Variants in CATSPERB observed in about 807,000 individuals in gnomAD.
The protein encoded by CATSPERB is catsper channel auxiliary subunit beta.
A neutral mutation model predicts 128.3 loss-of-function variants in CATSPERB; 93 were observed. The observed-to-expected ratio is 0.72, with a 90% confidence interval of 0.61 to 0.86. The LOEUF (loss-of-function observed/expected upper bound fraction) is 0.86, where lower values mean the gene tolerates loss of function less well. CATSPERB is among the 40% of genes least tolerant of loss of function. CATSPERB has a pLI of 0.00. For missense variants in CATSPERB, 1,153 were observed against 1,329.5 expected, an observed-to-expected ratio of 0.87 and a Z score of 2.06; for synonymous variants, 381 against 448.8, an observed-to-expected ratio of 0.85 and a Z score of 1.91.
At chr14:91,612,071 T>TC (rs1258707153) in intron 20 of CATSPERB, among the ~76,000 whole-genome samples, 1 of 139,882 alleles carries the variant, frequency 7.1e-6, no homozygotes, top group African/African-American at 2.6e-5. Flanking sequence ...TTTCTTCCTT[T>TC]TTTTAAGAGA....
chr14:91,687,448 C>T (rs371573993), intron 10 of CATSPERB, among the ~76,000 whole-genome samples: 3 of 152,210 alleles, frequency 2.0e-5, no homozygotes, highest in African/African-American at 7.2e-5. Context: ...AGGGAGATCC[C>T]TTGCCCCTCT....
At chr14:91,720,120 C>G in intron 4 of CATSPERB, among the ~76,000 whole-genome samples, 1 of 151,894 alleles carries the variant, frequency 6.6e-6, no homozygotes. Flanking sequence ...ATTCAAGAAG[C>G]CCAGGGAACC....
At chr14:91,681,382 GA>G (rs1895277461) in intron 11 of CATSPERB, among the ~76,000 whole-genome samples, 1 of 152,128 alleles carries the variant, frequency 6.6e-6, no homozygotes, top group Non-Finnish European at 1.5e-5. Flanking sequence ...ACAATGACAG[GA>G]AAAACTAAAG....
intron 1 of CATSPERB, 144 bp from the exon 2 acceptor site, chr14:91,729,623 A>G: frequency 2.0e-6 from 1 of 491,694 alleles, no homozygotes; most frequent in Non-Finnish European, 3.6e-6. Flanking sequence ...AGACAACACA[A>G]CAGTTGCCTA....
chr14:91,638,111 C>A (rs1054636756), intron 16 of CATSPERB, among the ~76,000 whole-genome samples: 2 of 152,116 alleles, frequency 1.3e-5, no homozygotes, highest in Non-Finnish European at 2.9e-5. Flanking sequence ...CTTTTAAAAC[C>A]AGATTCATCT....
chr14:91,634,410 G>A (rs572063858), intron 17 of CATSPERB, among the ~76,000 whole-genome samples: 22 of 151,960 alleles, frequency 1.4e-4, no homozygotes, highest in African/African-American at 5.1e-4. Context: ...CAATTGTACT[G>A]GCAGGTAATA....
At chr14:91,662,363 A>G (rs1435690128) in intron 14 of CATSPERB, among the ~76,000 whole-genome samples, 1 of 152,222 alleles carries the variant, frequency 6.6e-6, no homozygotes, top group Non-Finnish European at 1.5e-5. Flanking sequence ...TTAAATTCAT[A>G]CATGTTGCAT....
At chr14:91,586,181 C>A (rs978820360) in intron 26 of CATSPERB, among the ~76,000 whole-genome samples, 1 of 152,160 alleles carries the variant, frequency 6.6e-6, no homozygotes, top group Non-Finnish European at 1.5e-5. Context: ...AGAATCAGGA[C>A]TCCCTTTCTC....
chr14:91,704,095 C>T (rs972617057), intron 7 of CATSPERB, among the ~76,000 whole-genome samples: 2 of 151,918 alleles, frequency 1.3e-5, no homozygotes, highest in African/African-American at 4.8e-5. Context: ...AAAATCCATA[C>T]ATTTGGTATT....
intron 13 of CATSPERB, among the ~76,000 whole-genome samples, chr14:91,671,679 T>A (rs985921069): frequency 6.6e-6 from 1 of 152,114 alleles, no homozygotes; most frequent in Non-Finnish European, 1.5e-5. Context: ...TTCTTTTTTT[T>A]TAAAAGCAAT....
chr14:91,673,868 C>A (rs145758865), intron 12 of CATSPERB, among the ~76,000 whole-genome samples: 1 of 144,616 alleles, frequency 6.9e-6, no homozygotes, highest in African/African-American at 2.6e-5. Flanking sequence ...GGAGACAGAG[C>A]GAGACTCTGT....
At chr14:91,705,939 T>G (rs1248246251) in intron 6 of CATSPERB, among the ~76,000 whole-genome samples, 1 of 151,602 alleles carries the variant, frequency 6.6e-6, no homozygotes, top group Admixed American at 6.6e-5. Flanking sequence ...AAAGGGAGGG[T>G]TTTTTTTCTT....
chr14:91,684,433 C>A (rs1372071778), intron 10 of CATSPERB, among the ~76,000 whole-genome samples: 1 of 152,086 alleles, frequency 6.6e-6, no homozygotes, highest in Non-Finnish European at 1.5e-5. Flanking sequence ...TAATTAAATG[C>A]AACAGTTTGA....
chr14:91,721,823 C>G (rs147270778), intron 4 of CATSPERB, among the ~76,000 whole-genome samples: 266 of 150,662 alleles, frequency 1.8e-3, no homozygotes, highest in African/African-American at 6.4e-3. Flanking sequence ...GCACTCCAGC[C>G]TGGGTGACAG....
rs891154330 is a variant in CATSPERB, at chr14:91,644,349, C to T, written c.1433-5099G>A. Among the ~76,000 whole-genome samples the T allele has an allele frequency of 9.9e-3, 1,413 of 142,878 alleles. 20 individuals are homozygous for T. The highest frequency in any genetic ancestry group is 0.032 in the African/African-American group (1,232 of 38,184). The allele number at this position is 142,878 out of a possible 152,430, so 93.7% of individuals were successfully genotyped here. ...GGCATGATTTTGCAGCGGCTGGTAC[C>T]GGTTGTTCCTTTCCATGTTTAGCGC... On this transcript the variant is annotated intron_variant, in intron 15 of 26. Coordinates refer to ENST00000256343, the MANE Select transcript of CATSPERB (RefSeq NM_024764.4).
rs548812122 is a variant in CATSPERB at position 91,601,943 on chromosome 14, G to A, written c.2709+6351C>T. Reference sequence around the variant, plus strand: ...TTCACTTCATAGAGTTCACACACATGCATTCTACAGTGATATTTATATGAT... The same window carrying A: ...TTCACTTCATAGAGTTCACACACATACATTCTACAGTGATATTTATATGAT... On this transcript the variant is annotated intron_variant, in intron 22 of 26. Transcript: ENST00000256343. 6.3e-4 allele frequency among the ~76,000 whole-genome samples: 96 copies of A among 152,180 alleles called. 1 individual carries two copies. Among genetic ancestry groups the A allele is most frequent in the African/African-American group, 2.2e-3 (90 of 41,536 alleles).
At chr14:91,696,987 G>A (rs1405454096) in intron 7 of CATSPERB, among the ~76,000 whole-genome samples, 3 of 152,278 alleles carry the variant, frequency 2.0e-5, no homozygotes, top group East Asian at 3.9e-4. Context: ...AGTAAGAGGG[G>A]AAGAGTATTT....
At chr14:91,637,413 A>C (rs1894395691) in intron 16 of CATSPERB, among the ~76,000 whole-genome samples, 1 of 152,176 alleles carries the variant, frequency 6.6e-6, no homozygotes, top group Non-Finnish European at 1.5e-5. Flanking sequence ...AAATGGCTTG[A>C]GGACTCTTGA....
chr14:91,693,195 TA>T lies in CATSPERB; in HGVS notation c.761del (p.Leu254Ter), dbSNP rs781475273. The T allele has an allele frequency of 1.9e-6, 3 of 1,613,774 alleles. No individual in the cohort carries two copies. Among genetic ancestry groups the T allele is most frequent in the South Asian group, 2.2e-5 (2 of 91,070 alleles). On this transcript the variant is annotated frameshift_variant, in exon 9 of 27. Coordinates refer to ENST00000256343, the MANE Select transcript of CATSPERB (RefSeq NM_024764.4). LOFTEE classifies it high-confidence loss of function. ...LVDMVLTNHF[L>X]VILTSLGLFV... is the part of the protein sequence containing the mutation. ...AAAGGCCCAAAGAGGTGAGGATAACTAAAAAATGATTCGTTAAAACCATATC... is the reference window on the plus strand; with the variant it reads ...AAAGGCCCAAAGAGGTGAGGATAACTAAAAATGATTCGTTAAAACCATATC...
Sources: allele counts gnomAD v4.1 joint callset (sites outside exome capture counted in the v4.1 genomes callset), GRCh38; gene constraint gnomAD v4.1.1; transcripts MANE v1.5; gene names NCBI Gene and HGNC (gene_info 2026-07-23, HGNC 2026-07-21).